Variants in PUM1 observed in about 807,000 individuals in gnomAD.
PUM1 encodes pumilio RNA binding family member 1.
PUM1 carries 13 observed loss-of-function variants against 131.8 expected under a neutral mutation model. That is an observed-to-expected ratio of 0.10 (90% confidence interval 0.06 to 0.16). PUM1 has a LOEUF of 0.16. Ranked by LOEUF, PUM1 falls within the 10% of genes least tolerant of loss-of-function variation. The probability of loss-of-function intolerance (pLI) is 1.00; values close to 1 mark genes in which losing one functional copy is unlikely to be tolerated. For missense variants in PUM1, 961 were observed against 1,512.4 expected, an observed-to-expected ratio of 0.64 and a Z score of 6.05; for synonymous variants, 509 against 556.5, an observed-to-expected ratio of 0.91 and a Z score of 1.20.
At chr1:30,995,856 A>C (rs1030269133) in intron 5 of PUM1, among the ~76,000 whole-genome samples, 2 of 152,080 alleles carry the variant, frequency 1.3e-5, no homozygotes, top group Non-Finnish European at 2.9e-5. Flanking sequence ...ATGACCCTTA[A>C]ATTTTTTAAT....
chr1:30,962,184 T>C (rs927742392), intron 14 of PUM1, among the ~76,000 whole-genome samples: 4 of 152,146 alleles, frequency 2.6e-5, no homozygotes, highest in African/African-American at 9.7e-5. Context: ...ACAAGGTGAA[T>C]GTTTCCAAAG....
chr1:31,053,791 T>A (rs1185368378), intron 2 of PUM1, among the ~76,000 whole-genome samples: 1 of 151,810 alleles, frequency 6.6e-6, no homozygotes, highest in Non-Finnish European at 1.5e-5. Flanking sequence ...ATGAAAAACT[T>A]TTTAATGTAA....
At position 31,006,983 on chromosome 1, in the gene PUM1, A is replaced by G; in HGVS notation, c.541+11T>C. The G allele has an allele frequency of 6.3e-7, 1 of 1,599,384 alleles. No homozygotes were observed. On this transcript the variant is annotated intron_variant, in intron 4 of 21. Transcript: ENST00000426105. ...GCATAAATCACAGTACAGATGCTAG[A>G]TCTAGATTACCTGATGTTCCCCAGG...
chr1:31,058,915 A>G (rs944610152), intron 2 of PUM1, among the ~76,000 whole-genome samples: 2 of 152,134 alleles, frequency 1.3e-5, no homozygotes, highest in Non-Finnish European at 2.9e-5. Context: ...AGCTGCAGTG[A>G]GCCGAGATCA....
intron 3 of PUM1, among the ~76,000 whole-genome samples, chr1:31,017,973 A>AG (rs1326825272): frequency 6.6e-5 from 10 of 152,248 alleles, no homozygotes; most frequent in African/African-American, 2.4e-4. Flanking sequence ...TGGTAAGAAA[A>AG]GGAACTGTGG....
At chr1:30,975,128 T>C (rs1641080839) in intron 9 of PUM1, among the ~76,000 whole-genome samples, 1 of 152,082 alleles carries the variant, frequency 6.6e-6, no homozygotes, top group Non-Finnish European at 1.5e-5. Flanking sequence ...TATCTGTTGG[T>C]AGAAGGGAGT....
chr1:31,056,526 A>G lies in PUM1; in HGVS notation c.363+2678T>C, dbSNP rs910525330. ...TTGAACTCCTGACCTCAGGTGATCC[A>G]CCTGCCTTGACCTCCCAAAGTGTTG... On this transcript the variant is annotated intron_variant, in intron 2 of 21. Transcript: ENST00000426105. 2.4e-4 allele frequency among the ~76,000 whole-genome samples: 35 copies of G among 145,442 alleles called. 1 individual carries two copies. The highest frequency in any genetic ancestry group is 8.2e-4 in the African/African-American group (32 of 39,126).
rs1639007396 is a variant in PUM1 at position 30,932,653 on chromosome 1, ATATATATATATATTTTT to A, written c.*541_*557del. On this transcript the variant is annotated 3_prime_UTR_variant, in exon 22 of 22. Transcript: ENST00000426105. ...AACCTTTTTCATTATATATATATAT[ATATATATATATATTTTT>A]TATAAACAGTGTTAAATGCCAGTTT... 6.8e-6 allele frequency: 1 copy of A among 147,202 alleles called. No homozygotes were observed. Among genetic ancestry groups the A allele is most frequent in the Non-Finnish European group, 1.5e-5 (1 of 66,890 alleles). 9.1% of individuals were successfully genotyped at this position (147,202 alleles called of 1,614,324 possible). A position where few individuals can be genotyped will look rare whatever the true frequency, so the allele number is the denominator to read the frequency against.
At chr1:31,053,236 G>A (rs1429127664) in intron 2 of PUM1, among the ~76,000 whole-genome samples, 1 of 147,710 alleles carries the variant, frequency 6.8e-6, no homozygotes, top group Non-Finnish European at 1.5e-5. Context: ...GCCTGACCTC[G>A]TGATCCACCT....
At chr1:30,934,468 G>A (rs1262430144) in intron 21 of PUM1, among the ~76,000 whole-genome samples, 5 of 152,078 alleles carry the variant, frequency 3.3e-5, no homozygotes, top group Admixed American at 2.0e-4. Flanking sequence ...GGGTTGATCC[G>A]GTCTAGAAAT....
chr1:30,943,334 C>G (rs1169607944), intron 18 of PUM1, among the ~76,000 whole-genome samples: 1 of 151,998 alleles, frequency 6.6e-6, no homozygotes, highest in Non-Finnish European at 1.5e-5. Context: ...ACCATCTCGG[C>G]TCACTGCAAC....
At chr1:30,953,653 G>A (rs1166412590) in intron 15 of PUM1, 61 bp downstream of exon 15, 2 of 1,581,106 alleles carry the variant, frequency 1.3e-6, no homozygotes, top group African/African-American at 2.7e-5. Context: ...ACCCATCTGA[G>A]CCAAGACAGT....
intron 5 of PUM1, among the ~76,000 whole-genome samples, chr1:30,998,535 T>A (rs1642068272): frequency 1.3e-5 from 2 of 152,252 alleles, no homozygotes; most frequent in East Asian, 3.9e-4. Context: ...TCCTTGCTAC[T>A]CAGGAGGCTG....
At chr1:30,936,600 G>A in intron 21 of PUM1, 43 bp downstream of exon 21, 1 of 1,550,528 alleles carries the variant, frequency 6.4e-7, no homozygotes, top group Non-Finnish European at 8.8e-7. Context: ...AGGAAGCCAA[G>A]GCCTTGCACA....
intron 2 of PUM1, chr1:31,050,916 C>A (rs1213580188): frequency 3.9e-6 from 1 of 255,402 alleles, no homozygotes; most frequent in Non-Finnish European, 8.4e-6. Flanking sequence ...AAAAATTCAG[C>A]CAGGGTTCTC....
chr1:30,974,930 G>T, intron 9 of PUM1, 128 bp from the exon 10 acceptor site: 1 of 657,998 alleles, frequency 1.5e-6, no homozygotes, highest in Non-Finnish European at 2.5e-6. Context: ...ATTAATTTAT[G>T]CTAGCTAATC....
chr1:30,974,696 T>G lies in PUM1; in HGVS notation c.1461A>C (p.Ser487=), dbSNP rs1331098981. The change falls in exon 10 of 22, where the codon TCA becomes TCC. Residue 487 remains serine (S), a synonymous_variant. Coordinates refer to ENST00000426105, the MANE Select transcript of PUM1 (RefSeq NM_001020658.2). ...CCTGTGGGGTGGTCTGTTGATTAGCTGAATTAGTTGCTGCAGCGGCAGCGG... is the reference window on the plus strand; with the variant it reads ...CCTGTGGGGTGGTCTGTTGATTAGCGGAATTAGTTGCTGCAGCGGCAGCGG... ...QAAAAAAATN[S]ANQQTTPQAQ... is the part of the protein sequence containing the mutation. 2 of 1,610,888 alleles carry G rather than the reference T, an allele frequency of 1.2e-6. No individual in the cohort carries two copies. The highest frequency in any genetic ancestry group is 1.7e-5 in the Admixed American group (1 of 59,682).
chr1:30,978,893 AT>A (rs994481934), intron 9 of PUM1, among the ~76,000 whole-genome samples: 2 of 152,118 alleles, frequency 1.3e-5, no homozygotes, highest in African/African-American at 4.8e-5. Context: ...GAGCCCGAGA[AT>A]TTGACACAAC....
chr1:31,023,477 T>C (rs566409133), intron 3 of PUM1, among the ~76,000 whole-genome samples: 33 of 152,258 alleles, frequency 2.2e-4, no homozygotes, highest in Admixed American at 2.2e-3. Flanking sequence ...TAAGACACTG[T>C]TTGCCATAAT....
Sources: allele counts gnomAD v4.1 joint callset (sites outside exome capture counted in the v4.1 genomes callset), GRCh38; gene constraint gnomAD v4.1.1; transcripts MANE v1.5; gene names NCBI Gene and HGNC (gene_info 2026-07-23, HGNC 2026-07-21).